Variants in ZNF407 observed in about 807,000 individuals in gnomAD.
ZNF407 encodes zinc finger protein 407.
In ZNF407, 17 loss-of-function variants were observed where a neutral mutation model predicts 131.2. The ratio of observed to expected loss-of-function variants is 0.13; its 90% CI spans 0.09 to 0.19. The LOEUF (loss-of-function observed/expected upper bound fraction) is 0.19, where lower values mean the gene tolerates loss of function less well. Ranked by LOEUF, ZNF407 falls within the 10% of genes least tolerant of loss-of-function variation. The pLI is 1.00. For synonymous variants in ZNF407, 1,156 were observed against 1,062.0 expected (o/e 1.09, Z -1.72); for missense variants, 2,681 against 2,830.6 (o/e 0.95, Z 1.20).
At chr18:74,612,150 A>C (rs374646803) in intron 1 of ZNF407, among the ~76,000 whole-genome samples, 17 of 152,332 alleles carry the variant, frequency 1.1e-4, no homozygotes, top group African/African-American at 4.1e-4. Flanking sequence ...AGAAGAATAC[A>C]CAGTTTTTTC....
intron 3 of ZNF407, among the ~76,000 whole-genome samples, chr18:74,702,580 A>C (rs1967524514): frequency 6.6e-6 from 1 of 152,194 alleles, no homozygotes; most frequent in Non-Finnish European, 1.5e-5. Context: ...AAATATTTTG[A>C]GTTCTAAATT....
chr18:74,920,479 C>T, intron 7 of ZNF407, 35 bp from the exon 8 acceptor site: 1 of 1,529,488 alleles, frequency 6.5e-7, no homozygotes, highest in Non-Finnish European at 8.9e-7. Context: ...TTGGTTTGAC[C>T]TTAATTAGAT....
intron 7 of ZNF407, among the ~76,000 whole-genome samples, chr18:74,915,481 T>A (rs1971740045): frequency 7.1e-6 from 1 of 141,204 alleles, no homozygotes. Context: ...ATCGGGAGTG[T>A]GTGTGTGTGT....
intron 1 of ZNF407, among the ~76,000 whole-genome samples, chr18:74,621,626 C>T (rs1022498852): frequency 6.6e-6 from 1 of 152,092 alleles, no homozygotes; most frequent in Non-Finnish European, 1.5e-5. Context: ...GACAGAGTGA[C>T]CCTAGGGGAG....
intron 5 of ZNF407, 100 bp from the exon 6 acceptor site, chr18:74,880,936 A>C (rs1971228585): frequency 1.0e-6 from 1 of 990,628 alleles, no homozygotes; most frequent in Admixed American, 2.0e-5. Flanking sequence ...TTTACATGGA[A>C]ACATTTGATT....
At position 74,648,307 on chromosome 18, in the gene ZNF407, G is replaced by C. The variant is rs529129461; in HGVS notation, c.4802+7185G>C. Among the ~76,000 whole-genome samples the C allele has an allele frequency of 2.0e-5, 3 of 152,228 alleles. No individual in the cohort carries two copies. In the East Asian group the frequency reaches 5.8e-4, roughly 29 times the overall value. ...CAACCATGGCGTGCGGGATGTGCAC[G>C]AACTACAGGGCAGTCAAGACTTCTG... is the stretch of plus-strand genomic sequence containing the variant. On this transcript the variant is annotated intron_variant, in intron 3 of 8. Transcript: ENST00000299687.
intron 3 of ZNF407, among the ~76,000 whole-genome samples, chr18:74,686,293 T>C (rs1568166467): frequency 6.6e-6 from 1 of 152,210 alleles, no homozygotes; most frequent in East Asian, 1.9e-4. Context: ...AAAACTATTG[T>C]CATATTCTCT....
intron 3 of ZNF407, among the ~76,000 whole-genome samples, chr18:74,649,193 T>C (rs1480786213): frequency 5.9e-5 from 9 of 152,264 alleles, no homozygotes; most frequent in Non-Finnish European, 1.0e-4. Flanking sequence ...GCTGAGGTAC[T>C]ATAAGAATAT....
intron 3 of ZNF407, among the ~76,000 whole-genome samples, chr18:74,750,008 G>GT (rs1328085951): frequency 6.6e-6 from 1 of 152,144 alleles, no homozygotes; most frequent in Non-Finnish European, 1.5e-5. Context: ...AAGGGTCACA[G>GT]TTTTGTCCAT....
At chr18:74,875,432 T>C (rs185546644) in intron 4 of ZNF407, among the ~76,000 whole-genome samples, 17 of 152,322 alleles carry the variant, frequency 1.1e-4, no homozygotes, top group East Asian at 3.9e-4. Context: ...AAATGAGGGA[T>C]TTATTTTGTC....
intron 4 of ZNF407, among the ~76,000 whole-genome samples, chr18:74,851,052 C>T (rs1242661697): frequency 6.6e-6 from 1 of 152,202 alleles, no homozygotes; most frequent in African/African-American, 2.4e-5. Flanking sequence ...CTTTGGTTTG[C>T]ATGGAAAACT....
chr18:75,020,355 A>T (rs567612749), intron 8 of ZNF407, among the ~76,000 whole-genome samples: 50 of 151,276 alleles, frequency 3.3e-4, no homozygotes, highest in African/African-American at 1.0e-3. Context: ...TATATATAGG[A>T]TCTGGTACTA....
chr18:74,766,666 T>C (rs939032830), intron 3 of ZNF407, among the ~76,000 whole-genome samples: 1 of 152,206 alleles, frequency 6.6e-6, no homozygotes, highest in Non-Finnish European at 1.5e-5. Context: ...GATACACTTC[T>C]AGCCAACATG....
intron 1 of ZNF407, among the ~76,000 whole-genome samples, chr18:74,622,728 GTGTGTGTC>G (rs1490955787): frequency 6.5e-4 from 29 of 44,554 alleles, no homozygotes; most frequent in African/African-American, 1.3e-3. Flanking sequence ...CACCATAGTG[GTGTGTGTC>G]TGTGAGTGTG....
chr18:74,698,357 C>A (rs896960781), intron 3 of ZNF407, among the ~76,000 whole-genome samples: 1 of 152,208 alleles, frequency 6.6e-6, no homozygotes, highest in African/African-American at 2.4e-5. Flanking sequence ...TTATAACCAG[C>A]ATAGCTGAGT....
intron 4 of ZNF407, among the ~76,000 whole-genome samples, chr18:74,854,635 A>G (rs1178562522): frequency 1.3e-5 from 2 of 152,046 alleles, no homozygotes; most frequent in African/African-American, 4.8e-5. Context: ...TTGAGATTGG[A>G]TTGTTTTTCT....
rs1276392130 is a variant in ZNF407 at position 74,670,709 on chromosome 18, T to C, written c.4802+29587T>C. ...TGTTTTATTTTTGAGACAGAATCTG[T>C]GTGTGTTGCTTAGGCTGGAGCACGG... On this transcript the variant is annotated intron_variant, in intron 3 of 8. Coordinates refer to ENST00000299687, the MANE Select transcript of ZNF407 (RefSeq NM_017757.3). Among the ~76,000 whole-genome samples, 10 of 152,312 alleles carry C rather than the reference T, an allele frequency of 6.6e-5. No homozygotes were observed. The East Asian group carries it at 1.5e-3, about 24-fold the overall frequency.
At chr18:75,017,888 C>A (rs974292960) in intron 8 of ZNF407, among the ~76,000 whole-genome samples, 3 of 152,124 alleles carry the variant, frequency 2.0e-5, no homozygotes, top group African/African-American at 7.2e-5. Context: ...GGGCACCTGC[C>A]CCATGTGGCA....
chr18:74,767,739 C>T (rs538390623), intron 3 of ZNF407, among the ~76,000 whole-genome samples: 55 of 149,408 alleles, frequency 3.7e-4, no homozygotes, highest in African/African-American at 1.3e-3. Context: ...CTGCAAGCTC[C>T]GTCTCCCGGG....
Sources: gnomAD v4.1 joint callset for allele counts (sites outside exome capture counted in the v4.1 genomes callset) on GRCh38, gnomAD v4.1.1 for gene constraint, MANE v1.5 for transcripts, NCBI Gene and HGNC (gene_info 2026-07-23, HGNC 2026-07-21) for gene names.